Variants in ANKRD31 observed in about 807,000 individuals in gnomAD.
The protein encoded by ANKRD31 is ankyrin repeat domain-containing protein 31.
A neutral mutation model predicts 186.0 loss-of-function variants in ANKRD31; 147 were observed. That is an observed-to-expected ratio of 0.79 (90% CI 0.69 to 0.91). ANKRD31 has a LOEUF of 0.91. Among genes scored for constraint, ANKRD31 ranks in the 40% least tolerant of loss-of-function variants. The probability of loss-of-function intolerance (pLI) is 0.00; values close to 1 mark genes in which losing one functional copy is unlikely to be tolerated. For missense variants in ANKRD31, 1,986 were observed against 2,148.8 expected, an observed-to-expected ratio of 0.92 and a Z score of 1.50; for synonymous variants, 673 against 736.4, an observed-to-expected ratio of 0.91 and a Z score of 1.39.
At chr5:75,096,442 T>C (rs551525460) in intron 22 of ANKRD31, among the ~76,000 whole-genome samples, 2 of 152,300 alleles carry the variant, frequency 1.3e-5, no homozygotes, top group Admixed American at 6.5e-5. Flanking sequence ...TTGCAAAATT[T>C]TTCTCCCGTT....
intron 17 of ANKRD31, among the ~76,000 whole-genome samples, chr5:75,128,153 G>A (rs955938078): frequency 6.6e-6 from 1 of 151,510 alleles, no homozygotes; most frequent in Non-Finnish European, 1.5e-5. Flanking sequence ...GCATAATACT[G>A]ATCAGAAGTG....
rs751852449 is a variant in ANKRD31 at position 75,091,367 on chromosome 5, C to T, written c.5366G>A (p.Gly1789Asp). ...CTGACCACTTTCTACCTTAAGTTTA[C>T]CATTCAATAAAATACTGGCTTTGTG... ...TTHKASILLN[G>D]KLKVESGQIY... Residue 1789 changes from glycine to aspartate, a missense_variant, in exon 23 of 26, where the codon GGT (glycine) becomes GAT (aspartate). Transcript: ENST00000506364. 6.5e-7 allele frequency: 1 copy of T among 1,536,870 alleles called. No individual in the cohort carries two copies. The highest frequency in any genetic ancestry group is 1.2e-5 in the South Asian group (1 of 84,030).
chr5:75,203,673 A>AAAAAAAAAAAG (rs1554092026), intron 5 of ANKRD31, among the ~76,000 whole-genome samples: 1 of 148,240 alleles, frequency 6.7e-6, no homozygotes, highest in African/African-American at 2.5e-5. Context: ...AAAAAAAAAA[A>AAAAAAAAAAAG]AAAAGAAAAG....
At position 75,193,320 on chromosome 5, in the gene ANKRD31, T is replaced by C; in HGVS notation, c.1289A>G (p.Gln430Arg). The change falls in exon 8 of 26, where the codon CAG (glutamine) becomes CGG (arginine). Residue 430 changes from glutamine to arginine, a missense_variant. Physicochemically the swap from Gln to Arg is conservative, Grantham distance 43 (BLOSUM62 1). Transcript: ENST00000506364. The stretch of plus-strand genomic sequence containing the variant: ...TAATTTCATTGCATACCTGAAATTC[T>C]GAGCTGAAGAGTTATTATTTGTTAG... Reference protein sequence around the residue: ...EDLTNNNSSAQNFRMQDPALM... With the variant: ...EDLTNNNSSARNFRMQDPALM... 2 of 1,535,808 alleles carry C rather than the reference T, an allele frequency of 1.3e-6. No homozygotes were observed. Among genetic ancestry groups the C allele is most frequent in the Non-Finnish European group, 1.7e-6 (2 of 1,146,228 alleles).
intron 17 of ANKRD31, among the ~76,000 whole-genome samples, chr5:75,130,217 C>T (rs1393200492): frequency 2.0e-5 from 3 of 152,164 alleles, no homozygotes; most frequent in Non-Finnish European, 4.4e-5. Flanking sequence ...CCAGTGGGTT[C>T]GTGGTCTCGC....
intron 4 of ANKRD31, among the ~76,000 whole-genome samples, chr5:75,207,836 T>C (rs1210098568): frequency 2.0e-5 from 3 of 152,192 alleles, no homozygotes; most frequent in African/African-American, 4.8e-5. Context: ...AATGAACTTA[T>C]AATGTTGGTA....
chr5:75,162,100 G>T (rs1012762826), intron 11 of ANKRD31, among the ~76,000 whole-genome samples: 3 of 152,274 alleles, frequency 2.0e-5, no homozygotes, highest in African/African-American at 7.2e-5. Context: ...CTGTCCTCCA[G>T]ACCCCAGAAT....
In ANKRD31 at chr5:75,146,642, A is replaced by G; in HGVS notation, c.2769T>C (p.Gly923=). The change falls in exon 14 of 26, where the codon GGT becomes GGC. Residue 923 remains glycine (G), a synonymous_variant. Coordinates refer to ENST00000506364, the MANE Select transcript of ANKRD31 (RefSeq NM_001372053.1). ...CCTTAAAATTATAGTGTTTTTTGCCACCTGTAGAACACAACACCTTTTTAG... is the reference window on the plus strand; with the variant it reads ...CCTTAAAATTATAGTGTTTTTTGCCGCCTGTAGAACACAACACCTTTTTAG... ...ITSKKVLCST[G]GKKHYNFKEN... is the part of the protein sequence containing the mutation. 6.5e-7 allele frequency: 1 copy of G among 1,535,570 alleles called. No homozygotes were observed.
chr5:75,129,210 C>T lies in ANKRD31; in HGVS notation c.3876+8646G>A, dbSNP rs558670642. Among the ~76,000 whole-genome samples the T allele has an allele frequency of 2.8e-4, 43 of 152,270 alleles. No individual in the cohort carries two copies. In the South Asian group the frequency reaches 6.8e-3, roughly 24 times the overall value. On this transcript the variant is annotated intron_variant, in intron 17 of 25. Coordinates refer to ENST00000506364, the MANE Select transcript of ANKRD31 (RefSeq NM_001372053.1). The stretch of plus-strand genomic sequence containing the variant: ...CACCATGTGAATAAGTGCCTACTAC[C>T]CTTCACCTTCCACCATGATTTTAAG...
chr5:75,139,384 C>G, intron 15 of ANKRD31, among the ~76,000 whole-genome samples: 1 of 152,202 alleles, frequency 6.6e-6, no homozygotes, highest in African/African-American at 2.4e-5. Context: ...ACATAGGTGC[C>G]AAGTAACAAA....
chr5:75,174,491 A>C (rs1399266146), intron 10 of ANKRD31, among the ~76,000 whole-genome samples: 1 of 152,252 alleles, frequency 6.6e-6, no homozygotes, highest in Non-Finnish European at 1.5e-5. Context: ...CCCATCTGAC[A>C]AAGGGGTAAT....
intron 23 of ANKRD31, among the ~76,000 whole-genome samples, chr5:75,085,086 G>C (rs1355817563): frequency 6.6e-6 from 1 of 152,124 alleles, no homozygotes; most frequent in East Asian, 1.9e-4. Flanking sequence ...TGTGGGCAAA[G>C]CATCAAGATT....
chr5:75,147,444 T>C lies in ANKRD31; in HGVS notation c.1967A>G (p.Gln656Arg). ...WHVYNENSNR[Q>R]KLEHVKVNKG... ...ATTGACTTTTACATGTTCCAGCTTC[T>C]GTCTGTTGGAATTTTCATTATAAAC... The change falls in exon 14 of 26, where the codon CAG (glutamine) becomes CGG (arginine). Residue 656 changes from glutamine to arginine, a missense_variant. Gln to Arg is a conservative substitution (Grantham distance 43). Transcript: ENST00000506364. 1 of 1,500,504 alleles carries C rather than the reference T, an allele frequency of 6.7e-7. No individual in the cohort carries two copies. The highest frequency in any genetic ancestry group is 1.3e-5 in the South Asian group (1 of 76,828). 92.9% of individuals were successfully genotyped at this position (1,500,504 alleles called of 1,614,324 possible).
intron 15 of ANKRD31, among the ~76,000 whole-genome samples, chr5:75,141,363 T>A (rs1751035510): frequency 6.6e-6 from 1 of 151,982 alleles, no homozygotes; most frequent in African/African-American, 2.4e-5. Context: ...TGTATATATA[T>A]ACATATGAGA....
Position 75,105,228 on chromosome 5 carries a change from G to GAAAC in ANKRD31, c.4341-14_4341-11dup. The GAAAC allele has an allele frequency of 2.1e-6, 3 of 1,457,520 alleles. No individual in the cohort carries two copies. Among genetic ancestry groups the GAAAC allele is most frequent in the South Asian group, 2.9e-5 (2 of 69,082 alleles). The allele number at this position is 1,457,520 out of a possible 1,614,324, so 90.3% of individuals were successfully genotyped here. On this transcript the variant is annotated splice_polypyrimidine_tract_variant and intron_variant, in intron 21 of 25. Coordinates refer to ENST00000506364, the MANE Select transcript of ANKRD31 (RefSeq NM_001372053.1). ...TGACTCTATGGATACCCTATAGGAA[G>GAAAC]AAACAGAAAGAGAAAAAATGCAATA...
Position 75,210,809 on chromosome 5 carries a change from C to T in ANKRD31, c.326+19G>A. On this transcript the variant is annotated intron_variant, in intron 4 of 25. Transcript: ENST00000506364. ...AAAAATACCTACAACATAATGAAGC[C>T]AAAAATTAGTATACTTACTGTAACA... The T allele has an allele frequency of 1.4e-6, 2 of 1,477,578 alleles. No individual in the cohort carries two copies. The highest frequency in any genetic ancestry group is 1.8e-6 in the Non-Finnish European group (2 of 1,122,356). The allele number at this position is 1,477,578 out of a possible 1,614,324, so 91.5% of individuals were successfully genotyped here.
chr5:75,154,795 T>C (rs566691414), intron 11 of ANKRD31, among the ~76,000 whole-genome samples: 12 of 152,222 alleles, frequency 7.9e-5, no homozygotes, highest in African/African-American at 2.9e-4. Flanking sequence ...TTCCAGGAGA[T>C]AATTATGTCT....
At chr5:75,216,857 G>T (rs1756990275) in intron 3 of ANKRD31, among the ~76,000 whole-genome samples, 1 of 152,070 alleles carries the variant, frequency 6.6e-6, no homozygotes, top group Non-Finnish European at 1.5e-5. Context: ...TGATGTGGGT[G>T]TTCAGTGCTA....
intron 2 of ANKRD31, among the ~76,000 whole-genome samples, chr5:75,230,051 G>GTGTGTATC (rs1417961626): frequency 3.9e-5 from 6 of 151,930 alleles, no homozygotes; most frequent in Non-Finnish European, 4.4e-5. Flanking sequence ...ACAAGTGCGT[G>GTGTGTATC]TGTGTATCTG....
Sources: allele counts gnomAD v4.1 joint callset (sites outside exome capture counted in the v4.1 genomes callset), GRCh38; gene constraint gnomAD v4.1.1; transcripts MANE v1.5; gene names NCBI Gene and HGNC (gene_info 2026-07-23, HGNC 2026-07-21).